Variants in UGT3A1 observed in about 807,000 individuals in gnomAD.
The protein encoded by UGT3A1 is UDP glycosyltransferase family 3 member A1.
A neutral mutation model predicts 37.6 loss-of-function variants in UGT3A1; 40 were observed. The observed-to-expected ratio is 1.06, with a 90% confidence interval of 0.83 to 1.38. UGT3A1 has a LOEUF of 1.38. Among genes scored for constraint, UGT3A1 ranks in the 40% most tolerant of loss-of-function variants. The pLI, the probability that UGT3A1 is intolerant of heterozygous loss-of-function variation, is 0.00. For synonymous variants in UGT3A1, 256 were observed against 232.3 expected (o/e 1.10, Z -0.93); for missense variants, 642 against 634.2 (o/e 1.01, Z -0.13).
chr5:35,954,604 C>CA, intron 6 of UGT3A1, 126 bp from the exon 7 acceptor site: 1 of 1,266,960 alleles, frequency 7.9e-7, no homozygotes, highest in South Asian at 1.6e-5. Flanking sequence ...GGCTGGGCTG[C>CA]AAAGAAAATT....
chr5:35,987,256 G>C, intron 2 of UGT3A1, among the ~76,000 whole-genome samples: 1 of 152,108 alleles, frequency 6.6e-6, no homozygotes, highest in Admixed American at 6.6e-5. Flanking sequence ...TACTTTCAGA[G>C]CTCTACCCAA....
intron 1 of UGT3A1, 187 bp downstream of exon 1, chr5:35,990,957 TTCC>T: frequency 6.8e-7 from 1 of 1,481,344 alleles, no homozygotes; most frequent in East Asian, 2.4e-5. Context: ...AAAAACTGTC[TTCC>T]TCACCTCAGC....
chr5:35,994,007 T>G (rs766981501), upstream of UGT3A1, among the ~76,000 whole-genome samples: 1 of 152,164 alleles, frequency 6.6e-6, no homozygotes, highest in Non-Finnish European at 1.5e-5. Context: ...GTATCAGGGA[T>G]CTTGCGGTCT....
chr5:35,958,630 G>C (rs1273265310), intron 4 of UGT3A1, among the ~76,000 whole-genome samples: 1 of 152,192 alleles, frequency 6.6e-6, no homozygotes, highest in African/African-American at 2.4e-5. Context: ...TGACTCCGTA[G>C]AGTTTTGAAA....
At chr5:35,981,726 G>T (rs1001531215) in intron 2 of UGT3A1, among the ~76,000 whole-genome samples, 2 of 152,216 alleles carry the variant, frequency 1.3e-5, no homozygotes, top group Non-Finnish European at 2.9e-5. Context: ...CATTTTCTGG[G>T]GTGAAATTCA....
At chr5:35,997,248 AT>A (rs1339896011) in exon 2 of UGT3A1, 2 of 152,154 alleles carry the variant, frequency 1.3e-5, no homozygotes, top group Non-Finnish European at 2.9e-5. Context: ...CACAGCCAGT[AT>A]TTCTCAGTTG....
chr5:35,990,928 A>C, intron 1 of UGT3A1: 1 of 1,426,778 alleles, frequency 7.0e-7, no homozygotes, highest in Non-Finnish European at 9.2e-7. Flanking sequence ...AGAGAGAAGA[A>C]AGGAGAGTGT....
At chr5:35,966,128 C>T (rs562604880) in intron 3 of UGT3A1, among the ~76,000 whole-genome samples, 1 of 152,310 alleles carries the variant, frequency 6.6e-6, no homozygotes, top group South Asian at 2.1e-4. Flanking sequence ...TTGCTCCCAT[C>T]CTATTTCTTC....
chr5:35,962,586 A>G (rs1739630311), intron 4 of UGT3A1: 1 of 276,432 alleles, frequency 3.6e-6, no homozygotes, highest in Non-Finnish European at 6.8e-6. Flanking sequence ...GGAGGGCTGG[A>G]TCAATCCTAC....
chr5:35,976,530 T>C (rs1332196797), intron 2 of UGT3A1, among the ~76,000 whole-genome samples: 1 of 152,164 alleles, frequency 6.6e-6, no homozygotes, highest in East Asian at 1.9e-4. Flanking sequence ...ACTGCACTTC[T>C]AGTTGCTAAC....
intron 4 of UGT3A1, 135 bp from the exon 5 acceptor site, chr5:35,957,554 T>C (rs1480312998): frequency 7.0e-6 from 5 of 714,000 alleles, no homozygotes; most frequent in South Asian, 1.9e-5. Context: ...GCTATTATTA[T>C]GGCTCCTGGC....
chr5:35,993,913 AC>A (rs576654893), upstream of UGT3A1, among the ~76,000 whole-genome samples: 2 of 32,492 alleles, frequency 6.2e-5, no homozygotes, highest in Non-Finnish European at 1.8e-4. Context: ...TATTAAACAA[AC>A]AAACAAACAA....
At position 35,953,152 on chromosome 5, in the gene UGT3A1, A is replaced by T. The variant is rs564240247; in HGVS notation, c.*1050T>A. 6.6e-6 allele frequency: 1 copy of T among 152,360 alleles called. No individual in the cohort carries two copies. The highest frequency in any genetic ancestry group is 1.5e-5 in the Non-Finnish European group (1 of 68,038). The allele number at this position is 152,360 out of a possible 1,614,324, so 9.4% of individuals were successfully genotyped here. On this transcript the variant is annotated 3_prime_UTR_variant, in exon 7 of 7. Transcript: ENST00000274278. ...TTTCAGAACTCTAAAGCAAATAAAAAGGTACAATCATTTGAAGGTAAAATA... is the reference window on the plus strand; with the variant it reads ...TTTCAGAACTCTAAAGCAAATAAAATGGTACAATCATTTGAAGGTAAAATA...
chr5:35,985,092 A>AAAAAAAAAAAAAAAAAAAAAG (rs1554074578), intron 2 of UGT3A1, among the ~76,000 whole-genome samples: 1 of 149,872 alleles, frequency 6.7e-6, no homozygotes, highest in African/African-American at 2.4e-5. Flanking sequence ...AAAAAAAAAA[A>AAAAAAAAAAAAAAAAAAAAAG]AAAGAAATTC....
chr5:35,957,613 A>G (rs985038715), intron 4 of UGT3A1, among the ~76,000 whole-genome samples, 194 bp from the exon 5 acceptor site: 2 of 152,194 alleles, frequency 1.3e-5, no homozygotes, highest in Admixed American at 1.3e-4. Flanking sequence ...TGGATGACCT[A>G]GAAGTCATTT....
intron 2 of UGT3A1, among the ~76,000 whole-genome samples, chr5:35,977,110 G>GAA (rs1561466904): frequency 2.7e-5 from 4 of 148,526 alleles, no homozygotes. Context: ...GAAAGAGAAA[G>GAA]AGAGAAAGAA....
intron 4 of UGT3A1, among the ~76,000 whole-genome samples, chr5:35,964,456 A>C (rs1217729299): frequency 6.6e-6 from 1 of 151,822 alleles, no homozygotes; most frequent in African/African-American, 2.4e-5. Flanking sequence ...TACACCTACC[A>C]CCAATGCAAA....
intron 6 of UGT3A1, chr5:35,954,744 T>A: frequency 2.0e-6 from 1 of 507,058 alleles, no homozygotes; most frequent in South Asian, 2.7e-5. Context: ...CTCTAAGAAC[T>A]AGTCCATATC....
chr5:35,992,012 A>G (rs564151479), upstream of UGT3A1, among the ~76,000 whole-genome samples: 1 of 152,272 alleles, frequency 6.6e-6, no homozygotes, highest in African/African-American at 2.4e-5. Context: ...TGCCCCCTTG[A>G]AGGGTCAACC....
Sources: gnomAD v4.1 joint callset for allele counts (sites outside exome capture counted in the v4.1 genomes callset) on GRCh38, gnomAD v4.1.1 for gene constraint, MANE v1.5 for transcripts, NCBI Gene and HGNC (gene_info 2026-07-23, HGNC 2026-07-21) for gene names.